The following TANC1 variants were observed in gnomAD, a reference collection of about 807,000 sequenced individuals.
The protein encoded by TANC1 is tetratricopeptide repeat, ankyrin repeat and coiled-coil containing 1.
In TANC1, 77 loss-of-function variants were observed where a neutral mutation model predicts 149.7. The observed-to-expected ratio is 0.51, with a 90% confidence interval of 0.43 to 0.62. The LOEUF is 0.62. Ranked by LOEUF, TANC1 falls within the 20% of genes least tolerant of loss-of-function variation. The pLI, the probability that TANC1 is intolerant of heterozygous loss-of-function variation, is 0.00. For missense variants in TANC1, 1,985 were observed against 2,321.8 expected (o/e 0.85, Z 2.98); for synonymous variants, 854 against 925.0 (o/e 0.92, Z 1.39).
intron 19 of TANC1, among the ~76,000 whole-genome samples, chr2:159,207,281 G>C (rs767714644): frequency 6.6e-6 from 1 of 152,200 alleles, no homozygotes; most frequent in Non-Finnish European, 1.5e-5. Flanking sequence ...GGGAGAAATC[G>C]CAGCAGTTCC....
At chr2:158,981,659 T>A (rs1359093365) in intron 1 of TANC1, among the ~76,000 whole-genome samples, 1 of 151,158 alleles carries the variant, frequency 6.6e-6, no homozygotes, top group Non-Finnish European at 1.5e-5. Context: ...CGTGGTTAAA[T>A]GGATATGTTT....
chr2:158,982,946 C>A (rs1381406822), intron 1 of TANC1, among the ~76,000 whole-genome samples: 1 of 152,068 alleles, frequency 6.6e-6, no homozygotes, highest in African/African-American at 2.4e-5. Context: ...ATTCAGCATT[C>A]TGGATCAGTT....
At chr2:159,016,737 G>T (rs2038315366) in intron 2 of TANC1, among the ~76,000 whole-genome samples, 2 of 151,852 alleles carry the variant, frequency 1.3e-5, no homozygotes, top group South Asian at 4.2e-4. Flanking sequence ...ACCACGCCTG[G>T]CTAATTTTTT....
chr2:159,084,798 T>C (rs1223301175), intron 3 of TANC1, among the ~76,000 whole-genome samples: 2 of 152,196 alleles, frequency 1.3e-5, no homozygotes, highest in Non-Finnish European at 2.9e-5. Flanking sequence ...CAAGCAATGC[T>C]CCATGCTCAG....
intron 4 of TANC1, among the ~76,000 whole-genome samples, chr2:159,116,430 A>AAACAACAACAGC (rs374865205): frequency 0.13 from 19,674 of 148,334 alleles, 1,723 homozygotes; most frequent in Non-Finnish European, 0.2. Context: ...CAGTCTCAAA[A>AAACAACAACAGC]AACAACAACA....
intron 8 of TANC1, among the ~76,000 whole-genome samples, chr2:159,166,123 T>C (rs2054576384): frequency 6.6e-6 from 1 of 152,210 alleles, no homozygotes; most frequent in African/African-American, 2.4e-5. Flanking sequence ...CTTTCCTTTA[T>C]TAAAAACAGA....
chr2:159,119,659 A>G (rs2048648064), intron 4 of TANC1, among the ~76,000 whole-genome samples: 1 of 152,188 alleles, frequency 6.6e-6, no homozygotes, highest in Non-Finnish European at 1.5e-5. Flanking sequence ...ATAGGAAGTC[A>G]GATGCGGTAG....
rs1243747807 is a variant in TANC1 at position 159,104,112 on chromosome 2, C to T, written c.259+6278C>T. Among the ~76,000 whole-genome samples, 2 of 96,114 alleles carry T rather than the reference C, an allele frequency of 2.1e-5. 1 individual carries two copies. Among genetic ancestry groups the T allele is most frequent in the Non-Finnish European group, 5.8e-5 (2 of 34,372 alleles). The allele number at this position is 96,114 out of a possible 152,430, so 63.1% of individuals were successfully genotyped here. A position where few individuals can be genotyped will look rare whatever the true frequency, so the allele number is the denominator to read the frequency against. Reference sequence around the variant, plus strand: ...CATCTAACCTTCAGAAAGGATAGTTCCTCCTGCTGAGGTGAATAGGAGAGC... The same window carrying T: ...CATCTAACCTTCAGAAAGGATAGTTTCTCCTGCTGAGGTGAATAGGAGAGC... On this transcript the variant is annotated intron_variant, in intron 4 of 26. Coordinates refer to ENST00000263635, the MANE Select transcript of TANC1 (RefSeq NM_033394.3).
At chr2:158,987,213 CAAA>C (rs34300029) in intron 1 of TANC1, among the ~76,000 whole-genome samples, 4 of 76,024 alleles carry the variant, frequency 5.3e-5, no homozygotes, top group African/African-American at 1.8e-4. Flanking sequence ...GACTCATCTC[CAAA>C]AAAAAAAAAA....
At chr2:159,094,632 C>T (rs963237045) in intron 3 of TANC1, among the ~76,000 whole-genome samples, 3 of 152,144 alleles carry the variant, frequency 2.0e-5, no homozygotes, top group East Asian at 1.9e-4. Context: ...GTGACCTGGC[C>T]GAAAGCCTCG....
intron 3 of TANC1, among the ~76,000 whole-genome samples, chr2:159,070,909 AT>A (rs1232994335): frequency 1.3e-5 from 2 of 151,774 alleles, no homozygotes; most frequent in Non-Finnish European, 2.9e-5. Context: ...CTCAGCTAAT[AT>A]TTTTTTTTCT....
chr2:159,112,750 A>G (rs533185926), intron 4 of TANC1, among the ~76,000 whole-genome samples: 1 of 151,380 alleles, frequency 6.6e-6, no homozygotes, highest in African/African-American at 2.4e-5. Flanking sequence ...TAATTTTTTT[A>G]TCTTGCATTT....
chr2:159,094,590 G>T (rs2045887523), intron 3 of TANC1, among the ~76,000 whole-genome samples: 1 of 152,210 alleles, frequency 6.6e-6, no homozygotes, highest in African/African-American at 2.4e-5. Context: ...TTCCTCGCCA[G>T]ACAGTTGAAG....
intron 11 of TANC1, 82 bp from the exon 12 acceptor site, chr2:159,174,871 C>T: frequency 9.5e-7 from 1 of 1,050,994 alleles, no homozygotes; most frequent in Non-Finnish European, 1.5e-6. Flanking sequence ...AGCGAATGGG[C>T]AGAGTTGTGT....
chr2:159,165,127 G>C (rs1225323046), intron 8 of TANC1, among the ~76,000 whole-genome samples: 1 of 152,298 alleles, frequency 6.6e-6, no homozygotes, highest in South Asian at 2.1e-4. Context: ...TTAAAATTAG[G>C]AAACATTACT....
chr2:159,025,529 G>A (rs1037960824), intron 2 of TANC1, among the ~76,000 whole-genome samples: 2 of 151,936 alleles, frequency 1.3e-5, no homozygotes, highest in Non-Finnish European at 2.9e-5. Flanking sequence ...AAAGATCCCC[G>A]ATGACATTAA....
intron 2 of TANC1, among the ~76,000 whole-genome samples, chr2:159,017,733 G>A (rs558864924): frequency 1.8e-4 from 27 of 151,576 alleles, no homozygotes; most frequent in African/African-American, 6.5e-4. Flanking sequence ...GGGAAGGAGA[G>A]CATTAGGACA....
At chr2:159,148,069 A>G (rs2052341374) in intron 5 of TANC1, 1 of 152,140 alleles carries the variant, frequency 6.6e-6, no homozygotes, top group Non-Finnish European at 1.5e-5. Flanking sequence ...TAAAACCTTT[A>G]CCCATTATCT....
chr2:159,130,260 G>A (rs2049942645), intron 4 of TANC1, among the ~76,000 whole-genome samples: 1 of 152,172 alleles, frequency 6.6e-6, no homozygotes, highest in Admixed American at 6.5e-5. Flanking sequence ...TAATTATTAT[G>A]TAGTATTACA....
Sources: allele counts gnomAD v4.1 joint callset (sites outside exome capture counted in the v4.1 genomes callset), GRCh38; gene constraint gnomAD v4.1.1; transcripts MANE v1.5; gene names NCBI Gene and HGNC (gene_info 2026-07-23, HGNC 2026-07-21).